The following SEMA3C variants were observed in gnomAD, a reference collection of about 807,000 sequenced individuals.
The protein encoded by SEMA3C is semaphorin-3C.
A neutral mutation model predicts 89.4 loss-of-function variants in SEMA3C; 47 were observed. That is an observed-to-expected ratio of 0.53 (90% confidence interval 0.42 to 0.67). The LOEUF is 0.67. Among genes scored for constraint, SEMA3C ranks in the 30% least tolerant of loss-of-function variants. The pLI is 0.00. For missense variants in SEMA3C, 839 were observed against 929.1 expected (o/e 0.90, Z 1.26); for synonymous variants, 310 against 320.2 (o/e 0.97, Z 0.34).
intron 2 of SEMA3C, among the ~76,000 whole-genome samples, chr7:80,902,649 C>G (rs1420176743): frequency 4.6e-5 from 7 of 152,182 alleles, no homozygotes; most frequent in African/African-American, 1.7e-4. Context: ...AACCAAAACA[C>G]ATGTCGTCAT....
intron 11 of SEMA3C, among the ~76,000 whole-genome samples, chr7:80,794,379 C>T (rs917983550): frequency 7.9e-5 from 12 of 151,900 alleles, no homozygotes; most frequent in African/African-American, 2.2e-4. Context: ...TGATGTGAGA[C>T]GATGTAATTA....
chr7:80,790,124 A>T (rs907340264), intron 11 of SEMA3C, among the ~76,000 whole-genome samples: 1 of 152,030 alleles, frequency 6.6e-6, no homozygotes, highest in African/African-American at 2.4e-5. Flanking sequence ...CTCTGGGAAA[A>T]AAGTTAAAAA....
At chr7:80,878,506 G>A (rs1791252712) in intron 2 of SEMA3C, among the ~76,000 whole-genome samples, 2 of 152,182 alleles carry the variant, frequency 1.3e-5, no homozygotes, top group Admixed American at 1.3e-4. Flanking sequence ...TGAAAGTATG[G>A]GGGTGGTGAG....
intron 9 of SEMA3C, 145 bp from the exon 10 acceptor site, chr7:80,800,971 A>C: frequency 4.3e-6 from 2 of 467,780 alleles, no homozygotes; most frequent in Non-Finnish European, 7.6e-6. Flanking sequence ...GGAAACAAAT[A>C]ATGATAGAAA....
intron 6 of SEMA3C, among the ~76,000 whole-genome samples, chr7:80,808,863 C>T (rs535644483): frequency 6.6e-6 from 1 of 152,204 alleles, no homozygotes; most frequent in African/African-American, 2.4e-5. Context: ...CAACCTCTGC[C>T]TCCCAGGTTC....
chr7:80,793,951 T>C (rs964448798), intron 11 of SEMA3C, among the ~76,000 whole-genome samples: 2 of 151,924 alleles, frequency 1.3e-5, no homozygotes, highest in South Asian at 2.1e-4. Context: ...TACTGGTCTA[T>C]GAAATTTGTA....
Position 80,810,561 on chromosome 7 carries a change from T to C in SEMA3C, c.538+50A>G, listed in dbSNP as rs764764516. On this transcript the variant is annotated intron_variant, in intron 6 of 17. Transcript: ENST00000265361. Reference sequence around the variant, plus strand: ...GAATAGGTATACCATGTCAAGCTAATTTTCCATGTTATTTTATGTTTAATC... The same window carrying C: ...GAATAGGTATACCATGTCAAGCTAACTTTCCATGTTATTTTATGTTTAATC... 4 of 1,460,160 alleles carry C rather than the reference T, an allele frequency of 2.7e-6. No homozygotes were observed. The South Asian group carries it at 3.4e-5, about 13-fold the overall frequency. The allele number at this position is 1,460,160 out of a possible 1,614,324, so 90.5% of individuals were successfully genotyped here.
chr7:80,807,038 A>C (rs1339073874), intron 6 of SEMA3C, among the ~76,000 whole-genome samples: 3 of 151,852 alleles, frequency 2.0e-5, no homozygotes, highest in Non-Finnish European at 4.4e-5. Flanking sequence ...AGGGAAACAG[A>C]TTATAGGGAG....
chr7:80,903,809 A>T (rs1791941932), intron 2 of SEMA3C, among the ~76,000 whole-genome samples: 1 of 152,160 alleles, frequency 6.6e-6, no homozygotes, highest in Non-Finnish European at 1.5e-5. Context: ...TATACAAGGA[A>T]ACAAATGTAA....
At chr7:80,843,247 T>C (rs890545499) in intron 2 of SEMA3C, among the ~76,000 whole-genome samples, 1 of 152,168 alleles carries the variant, frequency 6.6e-6, no homozygotes, top group Non-Finnish European at 1.5e-5. Flanking sequence ...CTCAAGATAA[T>C]GGATATTCCA....
At chr7:80,879,956 A>G (rs1791295200) in intron 2 of SEMA3C, among the ~76,000 whole-genome samples, 1 of 152,150 alleles carries the variant, frequency 6.6e-6, no homozygotes. Context: ...CAACGAAATG[A>G]GATGTGCCTT....
intron 2 of SEMA3C, among the ~76,000 whole-genome samples, chr7:80,904,832 T>A (rs570597049): frequency 2.0e-5 from 3 of 152,268 alleles, no homozygotes; most frequent in Admixed American, 2.0e-4. Flanking sequence ...GGCCTTGGCA[T>A]CAGCATTTTT....
chr7:80,815,553 G>GAAAAAAAAAAAAAAAAAAA (rs1789582066), intron 5 of SEMA3C, among the ~76,000 whole-genome samples: 1 of 47,782 alleles, frequency 2.1e-5, no homozygotes, highest in Non-Finnish European at 4.4e-5. Flanking sequence ...CTTTAAATGG[G>GAAAAAAAAAAAAAAAAAAA]CAAAAAAAAA....
At chr7:80,855,289 T>A (rs1035063585) in intron 2 of SEMA3C, among the ~76,000 whole-genome samples, 13 of 152,284 alleles carry the variant, frequency 8.5e-5, no homozygotes, top group African/African-American at 3.1e-4. Flanking sequence ...ATTATTATTA[T>A]TGTCATTTTA....
chr7:80,814,078 T>A (rs1212864334), intron 5 of SEMA3C, among the ~76,000 whole-genome samples: 9 of 138,240 alleles, frequency 6.5e-5, no homozygotes, highest in Admixed American at 6.3e-4. Flanking sequence ...TGTTCCTTTT[T>A]TTTTTCTTTT....
intron 15 of SEMA3C, among the ~76,000 whole-genome samples, chr7:80,752,446 C>T (rs1787957315): frequency 6.6e-6 from 1 of 151,828 alleles, no homozygotes; most frequent in African/African-American, 2.4e-5. Flanking sequence ...CCCGTCTCTA[C>T]TAAAAATACA....
At chr7:80,898,072 C>G (rs983626037) in intron 2 of SEMA3C, among the ~76,000 whole-genome samples, 1 of 151,870 alleles carries the variant, frequency 6.6e-6, no homozygotes, top group East Asian at 1.9e-4. Context: ...GATTAAAAAA[C>G]AGAAAAATAA....
At position 80,758,478 on chromosome 7, in the gene SEMA3C, T is replaced by C; in HGVS notation, c.1496A>G (p.Tyr499Cys). 6.2e-7 allele frequency: 1 copy of C among 1,613,712 alleles called. No individual in the cohort carries two copies. The highest frequency in any genetic ancestry group is 8.5e-7 in the Non-Finnish European group (1 of 1,179,708). The part of the protein sequence containing the change: ...MKISSKKQQL[Y>C]VSSNEGVSQV... Reference sequence around the variant, plus strand: ...GGAAACCCCTTCATTGGAACTCACATACAACTGTTGCTATTAAAGGAATGA... The same window carrying C: ...GGAAACCCCTTCATTGGAACTCACACACAACTGTTGCTATTAAAGGAATGA... The change falls in exon 15 of 18, where the codon TAT (tyrosine) becomes TGT (cysteine). Residue 499 changes from tyrosine to cysteine, a missense_variant. Coordinates refer to ENST00000265361, the MANE Select transcript of SEMA3C (RefSeq NM_006379.5).
intron 14 of SEMA3C, among the ~76,000 whole-genome samples, chr7:80,760,557 T>G (rs539830074): frequency 6.6e-6 from 1 of 152,308 alleles, no homozygotes; most frequent in African/African-American, 2.4e-5. Context: ...CCTCATAAAA[T>G]TCAGTGATGT....
Sources: gnomAD v4.1 joint callset for allele counts (sites outside exome capture counted in the v4.1 genomes callset) on GRCh38, gnomAD v4.1.1 for gene constraint, MANE v1.5 for transcripts, NCBI Gene and HGNC (gene_info 2026-07-23, HGNC 2026-07-21) for gene names.